SGCZ: variants seen among roughly 807,000 people sequenced by gnomAD.
SGCZ encodes the protein zeta-sarcoglycan.
A neutral mutation model predicts 41.3 loss-of-function variants in SGCZ; 40 were observed. The observed-to-expected ratio is 0.97, with a 90% CI of 0.75 to 1.26. SGCZ has a LOEUF of 1.26. Among genes scored for constraint, SGCZ ranks in the 50% most tolerant of loss-of-function variants. The probability of loss-of-function intolerance (pLI) is 0.00; values close to 1 mark genes in which losing one functional copy is unlikely to be tolerated. For synonymous variants in SGCZ, 206 were observed against 137.5 expected, an observed-to-expected ratio of 1.50 and a Z score of -3.49; for missense variants, 552 against 369.8, an observed-to-expected ratio of 1.49 and a Z score of -4.04.
chr8:15,232,541 C>T (rs1339143348), intron 1 of SGCZ, among the ~76,000 whole-genome samples: 1 of 151,558 alleles, frequency 6.6e-6, no homozygotes, highest in Non-Finnish European at 1.5e-5. Flanking sequence ...CTCTTAATGG[C>T]ATAAGTGATG....
At chr8:14,103,830 A>ACAAT (rs1259407578) in intron 6 of SGCZ, among the ~76,000 whole-genome samples, 4 of 152,094 alleles carry the variant, frequency 2.6e-5, no homozygotes, top group African/African-American at 7.3e-5. Context: ...AAACTTGAAG[A>ACAAT]CAATCACTCA....
intron 1 of SGCZ, among the ~76,000 whole-genome samples, chr8:14,732,560 G>A (rs1157590546): frequency 6.7e-6 from 1 of 148,168 alleles, no homozygotes; most frequent in African/African-American, 2.4e-5. Flanking sequence ...TGAATGCTAA[G>A]CCCCTCACAC....
intron 2 of SGCZ, among the ~76,000 whole-genome samples, chr8:14,338,677 G>C (rs1802585685): frequency 6.6e-6 from 1 of 152,070 alleles, no homozygotes; most frequent in Non-Finnish European, 1.5e-5. Flanking sequence ...CATCTACTTT[G>C]TTCCTCATAC....
intron 1 of SGCZ, among the ~76,000 whole-genome samples, chr8:14,828,931 C>G (rs566222557): frequency 2.7e-4 from 41 of 151,432 alleles, no homozygotes; most frequent in African/African-American, 1.0e-3. Flanking sequence ...TCTTAACAGT[C>G]CTGATATGGC....
At chr8:15,232,739 G>A (rs1248534551) in intron 1 of SGCZ, among the ~76,000 whole-genome samples, 1 of 143,752 alleles carries the variant, frequency 7.0e-6, no homozygotes, top group Non-Finnish European at 1.5e-5. Context: ...ACATATATAT[G>A]TGTGTATATA....
intron 1 of SGCZ, among the ~76,000 whole-genome samples, chr8:15,038,928 A>C (rs2130973062): frequency 6.6e-6 from 1 of 152,180 alleles, no homozygotes; most frequent in East Asian, 1.9e-4. Context: ...AAACTATAGT[A>C]AACTACTACC....
At chr8:14,281,393 C>T (rs1009927572) in intron 3 of SGCZ, among the ~76,000 whole-genome samples, 1 of 151,974 alleles carries the variant, frequency 6.6e-6, no homozygotes, top group African/African-American at 2.4e-5. Flanking sequence ...CTACTATCCT[C>T]AATTTTCCAT....
At chr8:15,219,271 C>T (rs373578521) in intron 1 of SGCZ, among the ~76,000 whole-genome samples, 38 of 152,208 alleles carry the variant, frequency 2.5e-4, no homozygotes, top group African/African-American at 8.7e-4. Context: ...TTTCCTTTCT[C>T]TTGTGTTTGT....
chr8:14,878,314 C>G (rs1340239949), intron 1 of SGCZ, among the ~76,000 whole-genome samples: 1 of 150,572 alleles, frequency 6.6e-6, no homozygotes, highest in Admixed American at 6.6e-5. Flanking sequence ...ATGTTTGAAA[C>G]AAATGCCATC....
chr8:14,607,277 T>G (rs979549525), intron 1 of SGCZ, among the ~76,000 whole-genome samples: 1 of 152,194 alleles, frequency 6.6e-6, no homozygotes, highest in Non-Finnish European at 1.5e-5. Flanking sequence ...CCTTCTTTCT[T>G]TGCCAAATTG....
intron 1 of SGCZ, among the ~76,000 whole-genome samples, chr8:14,561,273 C>T (rs1804200224): frequency 6.6e-6 from 1 of 152,096 alleles, no homozygotes; most frequent in African/African-American, 2.4e-5. Context: ...TATGAAACTT[C>T]TATAAATAAA....
At chr8:14,278,781 G>C (rs919458986) in intron 3 of SGCZ, among the ~76,000 whole-genome samples, 6 of 152,020 alleles carry the variant, frequency 3.9e-5, no homozygotes, top group Non-Finnish European at 7.4e-5. Flanking sequence ...CTCATAAAAA[G>C]AGGCTGGTAT....
At chr8:14,920,707 C>T (rs1248231084) in intron 1 of SGCZ, among the ~76,000 whole-genome samples, 1 of 152,124 alleles carries the variant, frequency 6.6e-6, no homozygotes, top group Non-Finnish European at 1.5e-5. Context: ...TAGACTTTCC[C>T]TAAAACTGTA....
intron 2 of SGCZ, among the ~76,000 whole-genome samples, chr8:14,479,741 T>TTTTTTC (rs1563356562): frequency 4.7e-4 from 7 of 14,926 alleles, no homozygotes; most frequent in African/African-American, 8.4e-4. Context: ...CTTTTTTTTT[T>TTTTTTC]TTTTTTTTTT....
At chr8:14,527,132 C>T (rs1030966352) in intron 2 of SGCZ, among the ~76,000 whole-genome samples, 2 of 152,066 alleles carry the variant, frequency 1.3e-5, no homozygotes, top group Admixed American at 6.6e-5. Flanking sequence ...GCATACTCTT[C>T]CAAGGTTACC....
intron 1 of SGCZ, among the ~76,000 whole-genome samples, chr8:14,749,340 T>C (rs1799431504): frequency 6.6e-6 from 1 of 152,174 alleles, no homozygotes; most frequent in African/African-American, 2.4e-5. Flanking sequence ...GATGAAGTCA[T>C]TTTTTGAATA....
chr8:14,948,279 G>C (rs900091346), intron 1 of SGCZ, among the ~76,000 whole-genome samples: 1 of 152,096 alleles, frequency 6.6e-6, no homozygotes, highest in African/African-American at 2.4e-5. Context: ...ATTATAATAA[G>C]ATGATGAGAA....
chr8:15,156,944 C>CA (rs1204736250), intron 1 of SGCZ, among the ~76,000 whole-genome samples: 11,302 of 89,468 alleles, frequency 0.13, 557 homozygotes, highest in African/African-American at 0.17. Context: ...AACTCTGTCT[C>CA]AAAAAAAAAA....
At chr8:14,433,144 T>C (rs1799993792) in intron 2 of SGCZ, among the ~76,000 whole-genome samples, 2 of 152,184 alleles carry the variant, frequency 1.3e-5, no homozygotes, top group East Asian at 3.8e-4. Flanking sequence ...GTTATTCTTA[T>C]TACAATTAGT....
Sources: allele counts gnomAD v4.1 joint callset (sites outside exome capture counted in the v4.1 genomes callset), GRCh38; gene constraint gnomAD v4.1.1; transcripts MANE v1.5; gene names NCBI Gene and HGNC (gene_info 2026-07-23, HGNC 2026-07-21).